SMG1: variants seen among roughly 807,000 people sequenced by gnomAD.
SMG1 encodes the protein SMG1 nonsense mediated mRNA decay associated PI3K related kinase, also known as serine/threonine-protein kinase SMG1.
Under a neutral mutation model 419.9 loss-of-function variants are expected in SMG1, and 22 were observed. The observed-to-expected ratio is 0.05, with a 90% CI of 0.04 to 0.07. The LOEUF (loss-of-function observed/expected upper bound fraction) is 0.07, where lower values mean the gene tolerates loss of function less well. SMG1 is among the 10% of genes least tolerant of loss of function. The pLI, the probability that SMG1 is intolerant of heterozygous loss-of-function variation, is 1.00. For synonymous variants in SMG1, 1,538 were observed against 1,553.5 expected (o/e 0.99, Z 0.23); for missense variants, 3,185 against 4,342.0 (o/e 0.73, Z 7.49).
In SMG1 at chr16:18,808,983, C is replaced by G. The variant is rs896449303; in HGVS notation, c.*586G>C. On this transcript the variant is annotated 3_prime_UTR_variant, in exon 63 of 63. Transcript: ENST00000446231. Reference sequence around the variant, plus strand: ...AGTAAGTTCTTCTACTGTAGTGTATCTGTTACATAGCTCTCCATTTTCAGT... The same window carrying G: ...AGTAAGTTCTTCTACTGTAGTGTATGTGTTACATAGCTCTCCATTTTCAGT... The G allele has an allele frequency of 6.5e-6, 1 of 152,762 alleles. No individual in the cohort carries two copies. The highest frequency in any genetic ancestry group is 1.5e-5 in the Non-Finnish European group (1 of 68,216). The allele number at this position is 152,762 out of a possible 1,614,324, so 9.5% of individuals were successfully genotyped here.
At chr16:18,839,606 G>T in intron 42 of SMG1, 92 bp downstream of exon 42, 6 of 1,505,368 alleles carry the variant, frequency 4.0e-6, no homozygotes, top group Non-Finnish European at 5.5e-6. Flanking sequence ...AGGGACAGAG[G>T]AAGGAAGGGA....
intron 1 of SMG1, among the ~76,000 whole-genome samples, chr16:18,898,652 T>C (rs1328286808): frequency 6.6e-6 from 1 of 152,194 alleles, no homozygotes; most frequent in Non-Finnish European, 1.5e-5. Context: ...TATGCCACAG[T>C]AAGCTCTTAT....
At chr16:18,867,697 CTTCTT>C (rs1484080904) in intron 22 of SMG1, among the ~76,000 whole-genome samples, 21 of 125,432 alleles carry the variant, frequency 1.7e-4, no homozygotes, top group African/African-American at 3.8e-4. Context: ...ATTATTTTAA[CTTCTT>C]TTTTTTTTTT....
At chr16:18,906,241 T>C (rs887072325) in intron 1 of SMG1, among the ~76,000 whole-genome samples, 3 of 152,122 alleles carry the variant, frequency 2.0e-5, no homozygotes, top group East Asian at 1.9e-4. Flanking sequence ...CCCTGCACTT[T>C]AGGAGGCCAA....
chr16:18,888,143 CA>C (rs2036715937), intron 6 of SMG1, among the ~76,000 whole-genome samples: 1 of 94,238 alleles, frequency 1.1e-5, no homozygotes, highest in South Asian at 3.7e-4. Context: ...CCAGGCTGGA[CA>C]ACAGAGCAAG....
chr16:18,903,752 TTG>T (rs1421152099), intron 1 of SMG1, among the ~76,000 whole-genome samples: 1 of 152,164 alleles, frequency 6.6e-6, no homozygotes, highest in African/African-American at 2.4e-5. Context: ...TGTCTAATGT[TTG>T]AGCTCTTCAA....
rs745988053 is a variant in SMG1, at chr16:18,828,184, G to T, written c.9604-16C>A. 8.1e-6 allele frequency: 13 copies of T among 1,609,756 alleles called. No individual in the cohort carries two copies. The Admixed American group carries it at 8.4e-5, about 10-fold the overall frequency. On this transcript the variant is annotated splice_polypyrimidine_tract_variant and intron_variant, in intron 54 of 62. Coordinates refer to ENST00000446231, the MANE Select transcript of SMG1 (RefSeq NM_015092.5). ...CATGTTGCCACTGTTGAGAGAAAAA[G>T]AAATGTATTAAAATCAGCAGGAAAA... is the stretch of plus-strand genomic sequence containing the variant.
intron 56 of SMG1, 97 bp downstream of exon 56, chr16:18,819,405 G>A: frequency 1.5e-6 from 2 of 1,333,004 alleles, no homozygotes; most frequent in Non-Finnish European, 1.0e-6. Flanking sequence ...CAGAACGTGG[G>A]CTCTCAAGCT....
chr16:18,868,881 G>A (rs1270138535), intron 20 of SMG1, among the ~76,000 whole-genome samples, 162 bp from the exon 21 acceptor site: 2 of 151,768 alleles, frequency 1.3e-5, no homozygotes, highest in Non-Finnish European at 2.9e-5. Flanking sequence ...TTAGGGGAAA[G>A]AAATATATAT....
intron 60 of SMG1, among the ~76,000 whole-genome samples, chr16:18,814,148 T>C (rs1219356000): frequency 7.0e-6 from 1 of 143,430 alleles, no homozygotes; most frequent in Non-Finnish European, 1.5e-5. Context: ...GATTATTTAA[T>C]GACTGAAAAA....
In SMG1 at chr16:18,889,535, A is replaced by C. The variant is rs2036786973; in HGVS notation, c.659T>G (p.Leu220Arg). Reference sequence around the variant, plus strand: ...CTCATAGCTCAGAGAAGCACAAAGAAGGCCAAGACAGCAAGCTCCCTCCTG... The same window carrying C: ...CTCATAGCTCAGAGAAGCACAAAGACGGCCAAGACAGCAAGCTCCCTCCTG... ...LRQEGACCLG[L>R]LCASLSYEAE... Residue 220 changes from leucine (L) to arginine (R), a missense_variant, in exon 6 of 63, where the codon CTT (leucine) becomes CGT (arginine). Physicochemically the swap from Leu to Arg is moderately radical, Grantham distance 102. Coordinates refer to ENST00000446231, the MANE Select transcript of SMG1 (RefSeq NM_015092.5). 1 of 589,096 alleles carries C rather than the reference A, an allele frequency of 1.7e-6. No homozygotes were observed. Among genetic ancestry groups the C allele is most frequent in the Non-Finnish European group, 2.9e-6 (1 of 339,012 alleles). The allele number at this position is 589,096 out of a possible 1,614,324, so 36.5% of individuals were successfully genotyped here.
rs547323825 is a variant in SMG1, at chr16:18,895,518, A to G, written c.412+534T>C. Among the ~76,000 whole-genome samples the G allele has an allele frequency of 7.9e-5, 12 of 151,970 alleles. No individual in the cohort carries two copies. The East Asian group carries it at 2.1e-3, about 27-fold the overall frequency. On this transcript the variant is annotated intron_variant, in intron 3 of 62. Coordinates refer to ENST00000446231, the MANE Select transcript of SMG1 (RefSeq NM_015092.5). ...AACAACAACAAAAAAAAAAACCAGA[A>G]AAGTACCCACTCTAGGGGGCAGGGG...
At position 18,809,172 on chromosome 16, in the gene SMG1, G is replaced by A. The variant is rs1456456962; in HGVS notation, c.*397C>T. ...ACCCCAGTTTTCTCTGTTTCTGAGTGGGGTTTGTTTTTTTCCTGGATTGTA... is the reference window on the plus strand; with the variant it reads ...ACCCCAGTTTTCTCTGTTTCTGAGTAGGGTTTGTTTTTTTCCTGGATTGTA... On this transcript the variant is annotated 3_prime_UTR_variant, in exon 63 of 63. Transcript: ENST00000446231. 1 of 167,552 alleles carries A rather than the reference G, an allele frequency of 6.0e-6. No homozygotes were observed. The highest frequency in any genetic ancestry group is 1.3e-5 in the Non-Finnish European group (1 of 77,236). The allele number at this position is 167,552 out of a possible 1,614,324, so 10.4% of individuals were successfully genotyped here.
At chr16:18,923,007 G>A (rs2038255916) in intron 1 of SMG1, among the ~76,000 whole-genome samples, 1 of 152,154 alleles carries the variant, frequency 6.6e-6, no homozygotes, top group Non-Finnish European at 1.5e-5. Context: ...GAGCCTGGGA[G>A]GTCGAGACTG....
rs74663291 is a variant in SMG1, at chr16:18,847,700, T to C, written c.5842-93A>G. 5,100 of 1,581,074 alleles carry C rather than the reference T, an allele frequency of 3.2e-3. 99 individuals are homozygous for C. In the African/African-American group the frequency reaches 0.05, roughly 16 times the overall value. ...GACTTTGTAAGTTAAGTGTGTGCAA[T>C]TGGTGCTCATTATACAATTGGAGAA... is the stretch of plus-strand genomic sequence containing the variant. On this transcript the variant is annotated intron_variant, in intron 37 of 62. Transcript: ENST00000446231.
chr16:18,851,581 G>A (rs898848052), intron 33 of SMG1, among the ~76,000 whole-genome samples: 2 of 151,286 alleles, frequency 1.3e-5, no homozygotes, highest in African/African-American at 4.8e-5. Flanking sequence ...TTTTTCTTTT[G>A]AGACAGTCTC....
chr16:18,848,133 C>T (rs989249168), intron 36 of SMG1, 100 bp from the exon 37 acceptor site: 3 of 948,576 alleles, frequency 3.2e-6, no homozygotes, highest in African/African-American at 3.3e-5. Flanking sequence ...CTCAAGAGCA[C>T]TCATTGAACT....
intron 1 of SMG1, among the ~76,000 whole-genome samples, chr16:18,918,224 T>C (rs562332748): frequency 1.9e-4 from 29 of 152,070 alleles, no homozygotes; most frequent in African/African-American, 5.8e-4. Flanking sequence ...AATGGCACCA[T>C]TGTGCTCCAG....
At chr16:18,888,924 G>A (rs1310502581) in intron 6 of SMG1, among the ~76,000 whole-genome samples, 2 of 147,958 alleles carry the variant, frequency 1.4e-5, no homozygotes, top group African/African-American at 2.5e-5. Context: ...GCAGGTTCAC[G>A]GCATTCTCCT....
Sources: gnomAD v4.1 joint callset for allele counts (sites outside exome capture counted in the v4.1 genomes callset) on GRCh38, gnomAD v4.1.1 for gene constraint, MANE v1.5 for transcripts, NCBI Gene and HGNC (gene_info 2026-07-23, HGNC 2026-07-21) for gene names.